Variants in HNRNPA2B1 observed in about 807,000 individuals in gnomAD.
The protein encoded by HNRNPA2B1 is heterogeneous nuclear ribonucleoprotein A2/B1.
In HNRNPA2B1, 3 loss-of-function variants were observed where a neutral mutation model predicts 46.3. That is an observed-to-expected ratio of 0.06 (90% confidence interval 0.03 to 0.17). The LOEUF (loss-of-function observed/expected upper bound fraction) is 0.17, where lower values mean the gene tolerates loss of function less well. HNRNPA2B1 is among the 10% of genes least tolerant of loss of function. The pLI is 1.00. For synonymous variants in HNRNPA2B1, 225 were observed against 133.8 expected, an observed-to-expected ratio of 1.68 and a Z score of -4.70; for missense variants, 221 against 418.9, an observed-to-expected ratio of 0.53 and a Z score of 4.12.
chr7:26,199,034 G>A (rs111369468), intron 1 of HNRNPA2B1: 19 of 152,244 alleles, frequency 1.2e-4, no homozygotes, highest in African/African-American at 4.1e-4. Flanking sequence ...TTTTGAAATG[G>A]TTACTTGTCA....
chr7:26,198,088 T>C, intron 1 of HNRNPA2B1: 1 of 377,904 alleles, frequency 2.6e-6, no homozygotes, highest in Non-Finnish European at 4.6e-6. Context: ...CAAAGGATTA[T>C]TAAAGAATCT....
chr7:26,196,863 T>C lies in HNRNPA2B1; in HGVS notation c.419A>G (p.Lys140Arg). 1 of 1,614,116 alleles carries C rather than the reference T, an allele frequency of 6.2e-7. No homozygotes were observed. The highest frequency in any genetic ancestry group is 2.2e-5 in the East Asian group (1 of 44,872). ...AAAAGTAACAAAGCCAAAGCCTCTT[T>C]TCTTTCCAGACTGCCTATCAGTAAT... is the stretch of plus-strand genomic sequence containing the variant. ...EIITDRQSGK[K>R]RGFGFVTFDD... Residue 140 changes from lysine (K) to arginine (R), a missense_variant, in exon 4 of 11, where the codon AAA becomes AGA. Lys to Arg is a conservative substitution (Grantham distance 26). Transcript: ENST00000618183.
intron 1 of HNRNPA2B1, chr7:26,198,462 T>C (rs1783929792): frequency 6.6e-6 from 1 of 152,464 alleles, no homozygotes; most frequent in Non-Finnish European, 1.5e-5. Context: ...ATGTCTATAT[T>C]TGATATATGA....
intron 1 of HNRNPA2B1, chr7:26,199,800 G>C (rs1224193136): frequency 6.6e-6 from 1 of 152,110 alleles, no homozygotes; most frequent in Non-Finnish European, 1.5e-5. Context: ...TTTGTCCTAC[G>C]GCTCGCATTG....
chr7:26,195,435 C>T (rs530343670), intron 7 of HNRNPA2B1, among the ~76,000 whole-genome samples: 14 of 152,348 alleles, frequency 9.2e-5, no homozygotes, highest in Admixed American at 8.5e-4. Flanking sequence ...CCGTAGGTTA[C>T]GCTTTTTGAA....
At chr7:26,193,003 T>G (rs1783086562) in intron 9 of HNRNPA2B1, among the ~76,000 whole-genome samples, 1 of 152,180 alleles carries the variant, frequency 6.6e-6, no homozygotes, top group Non-Finnish European at 1.5e-5. Flanking sequence ...TAGCTGTTTA[T>G]GAGTCCCCAC....
chr7:26,196,127 C>T (rs1047697318), intron 6 of HNRNPA2B1, among the ~76,000 whole-genome samples: 2 of 152,148 alleles, frequency 1.3e-5, no homozygotes, highest in African/African-American at 2.4e-5. Context: ...GAGATTCCAT[C>T]CTATTTATAC....
intron 1 of HNRNPA2B1, chr7:26,199,777 A>G (rs541931816): frequency 2.0e-5 from 3 of 152,322 alleles, no homozygotes; most frequent in African/African-American, 4.8e-5. Flanking sequence ...CAGGAAAAAC[A>G]TAAAATGGTT....
chr7:26,198,714 G>A (rs1025629151), intron 1 of HNRNPA2B1: 1 of 152,230 alleles, frequency 6.6e-6, no homozygotes, highest in Admixed American at 6.5e-5. Flanking sequence ...TGTCTTAAAA[G>A]TTAACTAGGT....
chr7:26,193,112 ATTTC>A lies in HNRNPA2B1; in HGVS notation c.964+135_964+138del, dbSNP rs376063759. On this transcript the variant is annotated intron_variant, in intron 9 of 10. Coordinates refer to ENST00000618183, the MANE Select transcript of HNRNPA2B1 (RefSeq NM_002137.4). ...GTACTTCTGTGGAGATTTATGCAAA[ATTTC>A]TTTATTTTCACTAAGACCGTACATG... is the stretch of plus-strand genomic sequence containing the variant. 294 of 795,932 alleles carry A rather than the reference ATTTC, an allele frequency of 3.7e-4. 1 individual carries two copies. In the African/African-American group the frequency reaches 4.7e-3, roughly 13 times the overall value. The allele number at this position is 795,932 out of a possible 1,614,324, so 49.3% of individuals were successfully genotyped here. A position where few individuals can be genotyped will look rare whatever the true frequency, so the allele number is the denominator to read the frequency against.
intron 1 of HNRNPA2B1, chr7:26,200,052 A>G (rs1784208082): frequency 6.2e-6 from 1 of 160,680 alleles, no homozygotes; most frequent in African/African-American, 2.4e-5. Context: ...ATAGTTAACC[A>G]CTTCTACTTC....
chr7:26,200,535 G>A (rs1784314366), intron 1 of HNRNPA2B1, 37 bp downstream of exon 1: 3 of 1,610,296 alleles, frequency 1.9e-6, no homozygotes, highest in Admixed American at 1.7e-5. Context: ...GCCTCGCCAT[G>A]CCCTTTTCAA....
chr7:26,197,986 GAT>G, intron 1 of HNRNPA2B1: 1 of 534,830 alleles, frequency 1.9e-6, no homozygotes, highest in Non-Finnish European at 3.3e-6. Context: ...ATTAATGCTT[GAT>G]ATAAATTTAC....
At chr7:26,194,290 G>A (rs571521600) in intron 7 of HNRNPA2B1, among the ~76,000 whole-genome samples, 124 of 152,274 alleles carry the variant, frequency 8.1e-4, no homozygotes, top group Non-Finnish European at 1.4e-3. Context: ...TAGCTACTCT[G>A]GAGGCTGAGG....
chr7:26,200,384 G>C (rs893139311), intron 1 of HNRNPA2B1, 188 bp downstream of exon 1: 3 of 676,874 alleles, frequency 4.4e-6, no homozygotes, highest in African/African-American at 1.8e-5. Flanking sequence ...GGGAGGCTGA[G>C]GGTGGGGAAG....
intron 3 of HNRNPA2B1, 96 bp from the exon 4 acceptor site, chr7:26,197,113 C>T (rs1783729506): frequency 4.5e-6 from 5 of 1,114,524 alleles, no homozygotes; most frequent in Admixed American, 2.2e-5. Context: ...CTTGTATCCA[C>T]CTTAAAACTA....
intron 1 of HNRNPA2B1, chr7:26,197,949 C>CA: frequency 1.4e-6 from 1 of 739,310 alleles, no homozygotes; most frequent in Non-Finnish European, 2.0e-6. Context: ...AAAATTGCCT[C>CA]AGCTGATCTA....
At chr7:26,196,373 C>T in intron 6 of HNRNPA2B1, 28 bp downstream of exon 6, 1 of 1,561,636 alleles carries the variant, frequency 6.4e-7, no homozygotes, top group Non-Finnish European at 8.8e-7. Context: ...CACACTCATC[C>T]TTTAAACACG....
At chr7:26,194,559 G>A (rs191302437) in intron 7 of HNRNPA2B1, among the ~76,000 whole-genome samples, 17 of 151,762 alleles carry the variant, frequency 1.1e-4, no homozygotes, top group South Asian at 2.1e-4. Context: ...AAAATTAGCC[G>A]GTCATGGTGG....
Sources: gnomAD v4.1 joint callset for allele counts (sites outside exome capture counted in the v4.1 genomes callset) on GRCh38, gnomAD v4.1.1 for gene constraint, MANE v1.5 for transcripts, NCBI Gene and HGNC (gene_info 2026-07-23, HGNC 2026-07-21) for gene names.